The following RAD23B variants were observed in gnomAD, a reference collection of about 807,000 sequenced individuals.
RAD23B encodes the protein lysine-specific demethylase RAD23B.
A neutral mutation model predicts 49.1 loss-of-function variants in RAD23B; 5 were observed. That is an observed-to-expected ratio of 0.10 (90% CI 0.05 to 0.21). The LOEUF (loss-of-function observed/expected upper bound fraction) is 0.21, where lower values mean the gene tolerates loss of function less well. Ranked by LOEUF, RAD23B falls within the 10% of genes least tolerant of loss-of-function variation. The probability of loss-of-function intolerance (pLI) is 1.00; values close to 1 mark genes in which losing one functional copy is unlikely to be tolerated. For synonymous variants in RAD23B, 184 were observed against 165.4 expected (o/e 1.11, Z -0.86); for missense variants, 356 against 486.7 (o/e 0.73, Z 2.53).
chr9:107,288,210 C>G (rs1833313907), intron 1 of RAD23B, among the ~76,000 whole-genome samples: 1 of 152,060 alleles, frequency 6.6e-6, no homozygotes, highest in Non-Finnish European at 1.5e-5. Flanking sequence ...TTTTGGTGAA[C>G]TGGCAAAGCA....
At chr9:107,315,544 C>G (rs1035260824) in intron 5 of RAD23B, among the ~76,000 whole-genome samples, 22 of 152,052 alleles carry the variant, frequency 1.4e-4, no homozygotes, top group Non-Finnish European at 2.8e-4. Context: ...GAGACTCTCT[C>G]TCTTTGTCAC....
chr9:107,302,516 CAA>C (rs944052255), intron 3 of RAD23B, among the ~76,000 whole-genome samples: 3 of 151,738 alleles, frequency 2.0e-5, no homozygotes, highest in African/African-American at 7.3e-5. Flanking sequence ...ACAGATTCCT[CAA>C]GACAGAAAAG....
chr9:107,289,466 A>C (rs11573622), intron 1 of RAD23B, among the ~76,000 whole-genome samples: 6 of 152,070 alleles, frequency 3.9e-5, no homozygotes, highest in African/African-American at 1.4e-4. Flanking sequence ...GATGACAGGC[A>C]TGAGCCAGCA....
chr9:107,315,504 GTTTT>G (rs796698513), intron 5 of RAD23B, among the ~76,000 whole-genome samples: 1 of 151,462 alleles, frequency 6.6e-6, no homozygotes, highest in Non-Finnish European at 1.5e-5. Context: ...TCTCGTTTTT[GTTTT>G]TTTTGTTTTG....
intron 1 of RAD23B, among the ~76,000 whole-genome samples, chr9:107,290,011 T>C (rs933949080): frequency 1.3e-5 from 2 of 152,176 alleles, no homozygotes; most frequent in Non-Finnish European, 2.9e-5. Flanking sequence ...CTAAGGAACC[T>C]TAATTGGGTC....
chr9:107,285,395 TACTC>T (rs915472708), intron 1 of RAD23B, among the ~76,000 whole-genome samples: 23 of 152,372 alleles, frequency 1.5e-4, no homozygotes, highest in East Asian at 3.9e-4. Context: ...CGGCTTATAA[TACTC>T]AGTTAATTTC....
intron 1 of RAD23B, among the ~76,000 whole-genome samples, chr9:107,288,155 A>G (rs993554931): frequency 1.3e-5 from 2 of 152,168 alleles, no homozygotes; most frequent in Non-Finnish European, 2.9e-5. Context: ...TGCCGTGCAC[A>G]CAGTAGGCAT....
Position 107,311,750 on chromosome 9 carries a change from T to C in RAD23B, c.553+13T>C. Reference sequence around the variant, plus strand: ...ACGAGTGCACTTGGTAAGTATCTGCTTTTCCTTATAAATAACCTATAAAGA... The same window carrying C: ...ACGAGTGCACTTGGTAAGTATCTGCCTTTCCTTATAAATAACCTATAAAGA... On this transcript the variant is annotated intron_variant, in intron 5 of 9. Transcript: ENST00000358015. The C allele has an allele frequency of 6.4e-7, 1 of 1,558,414 alleles. No homozygotes were observed. The highest frequency in any genetic ancestry group is 1.2e-5 in the South Asian group (1 of 81,900).
chr9:107,309,217 C>T (rs1192488437), intron 4 of RAD23B, among the ~76,000 whole-genome samples: 1 of 152,184 alleles, frequency 6.6e-6, no homozygotes, highest in African/African-American at 2.4e-5. Flanking sequence ...TCAGAATTAT[C>T]TGGGAGTGGA....
intron 4 of RAD23B, among the ~76,000 whole-genome samples, chr9:107,310,516 TAAAA>T (rs1443525303): frequency 6.6e-6 from 1 of 152,108 alleles, no homozygotes; most frequent in Non-Finnish European, 1.5e-5. Flanking sequence ...ATTGTTAAGT[TAAAA>T]AAACACCAAA....
At chr9:107,295,749 G>C (rs905303266) in intron 1 of RAD23B, among the ~76,000 whole-genome samples, 1 of 152,164 alleles carries the variant, frequency 6.6e-6, no homozygotes, top group Admixed American at 6.5e-5. Context: ...CAGTCTCTTA[G>C]GTAAAAGTTG....
intron 9 of RAD23B, among the ~76,000 whole-genome samples, chr9:107,327,663 T>A (rs1827236986): frequency 6.6e-6 from 1 of 152,182 alleles, no homozygotes; most frequent in Admixed American, 6.5e-5. Context: ...GTTCGTTTTG[T>A]GGCCTAACAT....
intron 7 of RAD23B, among the ~76,000 whole-genome samples, chr9:107,323,466 G>A (rs1250288628): frequency 6.6e-6 from 1 of 152,064 alleles, no homozygotes; most frequent in African/African-American, 2.4e-5. Context: ...TGTTCTTTTA[G>A]GGGTTTTCAT....
chr9:107,302,147 G>T, intron 3 of RAD23B, 33 bp downstream of exon 3: 1 of 1,609,216 alleles, frequency 6.2e-7, no homozygotes, highest in Non-Finnish European at 8.5e-7. Context: ...ATATCTTTAT[G>T]CATGTAGGTC....
intron 1 of RAD23B, 95 bp downstream of exon 1, chr9:107,283,790 G>A (rs1056611519): frequency 1.7e-6 from 2 of 1,156,234 alleles, no homozygotes; most frequent in Non-Finnish European, 2.2e-6. Flanking sequence ...AGCGGGGGAA[G>A]CCCCGGAGGG....
chr9:107,313,269 A>G (rs1281368239), intron 5 of RAD23B, among the ~76,000 whole-genome samples: 1 of 151,326 alleles, frequency 6.6e-6, no homozygotes, highest in Admixed American at 6.6e-5. Context: ...TCTGTCGCCC[A>G]GGCTGGAGTG....
chr9:107,329,457 C>G (rs1827268063), intron 9 of RAD23B, 86 bp from the exon 10 acceptor site: 7 of 824,264 alleles, frequency 8.5e-6, no homozygotes, highest in Non-Finnish European at 1.3e-5. Flanking sequence ...ATCTTTAGTG[C>G]TATGCTGGAA....
At position 107,284,983 on chromosome 9, in the gene RAD23B, A is replaced by G. The variant is rs1833246590; in HGVS notation, c.66+1288A>G. ...ACAATGGATTCCTTTGAGTGGAGAT[A>G]CAGTGTTACGTTTTACTTATCTCAT... On this transcript the variant is annotated intron_variant, in intron 1 of 9. Transcript: ENST00000358015. 5 of 1,295,254 alleles carry G rather than the reference A, an allele frequency of 3.9e-6. No homozygotes were observed. In the Admixed American group the frequency reaches 1.2e-4, roughly 31 times the overall value. The allele number at this position is 1,295,254 out of a possible 1,614,324, so 80.2% of individuals were successfully genotyped here.
At chr9:107,327,076 T>C (rs1827220010) in intron 9 of RAD23B, among the ~76,000 whole-genome samples, 1 of 152,242 alleles carries the variant, frequency 6.6e-6, no homozygotes, top group Admixed American at 6.5e-5. Context: ...TTTGATAAAG[T>C]AATAATGTTC....
Sources: allele counts gnomAD v4.1 joint callset (sites outside exome capture counted in the v4.1 genomes callset), GRCh38; gene constraint gnomAD v4.1.1; transcripts MANE v1.5; gene names NCBI Gene and HGNC (gene_info 2026-07-23, HGNC 2026-07-21).